AGT: variants seen among roughly 807,000 people sequenced by gnomAD.
The protein encoded by AGT is alpha-1 antiproteinase, antitrypsin.
AGT carries 26 observed loss-of-function variants against 28.1 expected under a neutral mutation model. The ratio of observed to expected loss-of-function variants is 0.92; its 90% CI spans 0.68 to 1.28. The LOEUF (loss-of-function observed/expected upper bound fraction) is 1.28. Among genes scored for constraint, AGT ranks in the 50% most tolerant of loss-of-function variants. The pLI is 0.00. For synonymous variants in AGT, 259 were observed against 259.6 expected (o/e 1.00, Z 0.02); for missense variants, 596 against 592.3 (o/e 1.01, Z -0.06).
intron 2 of AGT, among the ~76,000 whole-genome samples, chr1:230,707,037 C>T (rs1456971147): frequency 2.0e-5 from 3 of 152,224 alleles, no homozygotes; most frequent in Non-Finnish European, 4.4e-5. Context: ...GCCCTTGCTA[C>T]TGGGGAGACT....
intron 1 of AGT, among the ~76,000 whole-genome samples, chr1:230,737,368 A>AT (rs1488941945): frequency 1.3e-5 from 2 of 152,084 alleles, no homozygotes; most frequent in African/African-American, 4.8e-5. Context: ...CTGGAGTGCC[A>AT]TGATGTGATC....
At chr1:230,729,855 C>A (rs1664018557) in intron 1 of AGT, among the ~76,000 whole-genome samples, 1 of 152,044 alleles carries the variant, frequency 6.6e-6, no homozygotes, top group African/African-American at 2.4e-5. Flanking sequence ...TCTTCTCTAT[C>A]TTATCTTTAA....
intron 1 of AGT, among the ~76,000 whole-genome samples, chr1:230,724,439 C>G (rs751099437): frequency 1.3e-5 from 2 of 152,108 alleles, no homozygotes; most frequent in Non-Finnish European, 2.9e-5. Flanking sequence ...TATAATGACA[C>G]CAAAATAATT....
At chr1:230,716,948 A>G (rs1320770958), upstream of AGT, among the ~76,000 whole-genome samples, 1 of 151,692 alleles carries the variant, frequency 6.6e-6, no homozygotes, top group Non-Finnish European at 1.5e-5. Context: ...CTGTGTCTAT[A>G]TAGAAAGGGA....
chr1:230,707,887 AC>A (rs1663441180), intron 2 of AGT, among the ~76,000 whole-genome samples: 1 of 151,958 alleles, frequency 6.6e-6, no homozygotes, highest in Non-Finnish European at 1.5e-5. Flanking sequence ...CATGGAAACC[AC>A]CAGGGCCAGC....
chr1:230,712,946 G>A (rs1351845405), intron 1 of AGT, among the ~76,000 whole-genome samples: 1 of 152,136 alleles, frequency 6.6e-6, no homozygotes, highest in African/African-American at 2.4e-5. Flanking sequence ...AATGCTAAAG[G>A]TGAAGATGAC....
rs553581380 is a variant in AGT, at chr1:230,703,598, C to T, written c.1243-269G>A. ...TAACACACCCCTTACATCCTCCCAT[C>T]TTCACATTCTGCCCTGATGTCCCAG... On this transcript the variant is annotated intron_variant, in intron 4 of 4. Coordinates refer to ENST00000366667, the MANE Select transcript of AGT (RefSeq NM_001384479.1). Among the ~76,000 whole-genome samples, 3 of 152,348 alleles carry T rather than the reference C, an allele frequency of 2.0e-5. No individual in the cohort carries two copies. In the South Asian group the frequency reaches 6.2e-4, roughly 32 times the overall value.
At chr1:230,738,449 T>C (rs1399780966) in intron 1 of AGT, among the ~76,000 whole-genome samples, 3 of 152,378 alleles carry the variant, frequency 2.0e-5, no homozygotes, top group Admixed American at 6.5e-5. Context: ...TTACTTTATG[T>C]CTTCACAGCT....
intron 4 of AGT, 64 bp downstream of exon 4, chr1:230,704,129 C>A: frequency 6.2e-7 from 1 of 1,612,850 alleles, no homozygotes; most frequent in Non-Finnish European, 8.5e-7. Context: ...TCCCTTACAT[C>A]CATGCCTCCC....
chr1:230,735,886 T>C (rs1259159038), intron 1 of AGT, among the ~76,000 whole-genome samples: 1 of 152,162 alleles, frequency 6.6e-6, no homozygotes, highest in Admixed American at 6.5e-5. Context: ...TCTTTGTAAA[T>C]AGTTCATCGA....
At chr1:230,725,358 G>C (rs1302877990) in intron 1 of AGT, among the ~76,000 whole-genome samples, 1 of 152,146 alleles carries the variant, frequency 6.6e-6, no homozygotes, top group African/African-American at 2.4e-5. Flanking sequence ...GTCAGTAGAG[G>C]GAAGGACCAT....
chr1:230,740,632 G>A lies in AGT; in HGVS notation c.-31+4883C>T, dbSNP rs113383806. ...AGGTGGTAACTGGGGACTCCAGAGG[G>A]CAAGAAGAGATAATATTTTTTTTAA... is the stretch of plus-strand genomic sequence containing the variant. On this transcript the variant is annotated intron_variant, in intron 1 of 4. Coordinates refer to the AGT transcript ENST00000681269. 1.6e-3 allele frequency among the ~76,000 whole-genome samples: 247 copies of A among 151,846 alleles called. 3 individuals carry two copies. Among genetic ancestry groups the A allele is most frequent in the African/African-American group, 5.8e-3 (241 of 41,396 alleles).
intron 1 of AGT, among the ~76,000 whole-genome samples, chr1:230,712,809 A>C (rs563199551): frequency 6.6e-6 from 1 of 152,266 alleles, no homozygotes; most frequent in African/African-American, 2.4e-5. Flanking sequence ...GCGTCCTGGG[A>C]GTAATGGTGC....
intron 1 of AGT, among the ~76,000 whole-genome samples, chr1:230,728,548 G>A (rs1184209862): frequency 2.0e-5 from 3 of 152,156 alleles, no homozygotes; most frequent in Non-Finnish European, 4.4e-5. Flanking sequence ...TATAATTTTC[G>A]CTAAGGAGGT....
intron 1 of AGT, among the ~76,000 whole-genome samples, chr1:230,711,731 C>T (rs543905982): frequency 2.0e-5 from 3 of 151,926 alleles, no homozygotes; most frequent in Non-Finnish European, 4.4e-5. Context: ...ATAGCGCTAT[C>T]CCCTGCAGAG....
chr1:230,716,342 G>A (rs1663736681), upstream of AGT, among the ~76,000 whole-genome samples: 1 of 152,186 alleles, frequency 6.6e-6, no homozygotes, highest in Non-Finnish European at 1.5e-5. Context: ...TCCATCAGTG[G>A]AAGTTTCTTA....
At position 230,710,269 on chromosome 1, in the gene AGT, C is replaced by G; in HGVS notation, c.555G>C (p.Gln185His). 1.2e-6 allele frequency: 2 copies of G among 1,613,884 alleles called. No individual in the cohort carries two copies. The highest frequency in any genetic ancestry group is 1.7e-6 in the Non-Finnish European group (2 of 1,180,024). ...LQAVQGLLVA[Q>H]GRADSQAQLL... Reference sequence around the variant, plus strand: ...GCTGGGCCTGGCTATCAGCCCTGCCCTGGGCCACTAGCAGGCCCTGTACAG... The same window carrying G: ...GCTGGGCCTGGCTATCAGCCCTGCCGTGGGCCACTAGCAGGCCCTGTACAG... The change falls in exon 2 of 5, where the codon CAG (glutamine) becomes CAC (histidine). Residue 185 changes from glutamine (Q) to histidine (H), a missense_variant. Coordinates refer to ENST00000366667, the MANE Select transcript of AGT (RefSeq NM_001384479.1).
intron 2 of AGT, among the ~76,000 whole-genome samples, chr1:230,708,727 G>A (rs913377196): frequency 3.3e-5 from 5 of 152,032 alleles, no homozygotes; most frequent in African/African-American, 9.7e-5. Flanking sequence ...TGGATTTGCC[G>A]AGCTGCTCCC....
intron 1 of AGT, among the ~76,000 whole-genome samples, chr1:230,725,571 A>G (rs1422948495): frequency 6.6e-6 from 1 of 152,174 alleles, no homozygotes; most frequent in Non-Finnish European, 1.5e-5. Flanking sequence ...ATGGAAAAAT[A>G]TTGTCATCCT....
Sources: allele counts gnomAD v4.1 joint callset (sites outside exome capture counted in the v4.1 genomes callset), GRCh38; gene constraint gnomAD v4.1.1; transcripts MANE v1.5; gene names NCBI Gene and HGNC (gene_info 2026-07-23, HGNC 2026-07-21).